PLS3: variants seen among roughly 807,000 people sequenced by gnomAD.
PLS3 encodes plastin-3.
A neutral mutation model predicts 46.5 loss-of-function variants in PLS3; 11 were observed. That is an observed-to-expected ratio of 0.24 (90% CI 0.15 to 0.39). The LOEUF is 0.39. PLS3 is among the 10% of genes least tolerant of loss of function. PLS3 has a pLI of 1.00. For synonymous variants in PLS3, 167 were observed against 162.2 expected, an observed-to-expected ratio of 1.03 and a Z score of -0.22; for missense variants, 308 against 461.8, an observed-to-expected ratio of 0.67 and a Z score of 3.05.
chrX:115,564,210 A>G (rs1413227088), intron 1 of PLS3, among the ~76,000 whole-genome samples: 10 of 111,894 alleles, frequency 8.9e-5, no homozygotes, highest in Admixed American at 4.8e-4. Context: ...GTGGGGAGCT[A>G]TTAATAAATA....
chrX:115,608,966 G>A (rs2074521074), intron 1 of PLS3, among the ~76,000 whole-genome samples: 1 of 109,912 alleles, frequency 9.1e-6, no homozygotes, highest in Admixed American at 9.8e-5. Flanking sequence ...CGGGTACGGT[G>A]GCTCACACCT....
chrX:115,627,447 A>G (rs1234103280), intron 3 of PLS3, among the ~76,000 whole-genome samples: 1 of 112,151 alleles, frequency 8.9e-6, no homozygotes, highest in Non-Finnish European at 1.9e-5. Context: ...TTATTAGACA[A>G]TGAAGTAGAG....
intron 1 of PLS3, among the ~76,000 whole-genome samples, chrX:115,608,489 C>A (rs2074516113): frequency 9.0e-6 from 1 of 111,695 alleles, no homozygotes; most frequent in Non-Finnish European, 1.9e-5. Flanking sequence ...TAAGAGTGAA[C>A]CCTAATGTTC....
intron 1 of PLS3, among the ~76,000 whole-genome samples, chrX:115,576,057 T>C (rs2074246685): frequency 1.8e-5 from 2 of 112,122 alleles, no homozygotes; most frequent in Non-Finnish European, 3.8e-5. Flanking sequence ...ATATTTACTT[T>C]TAAATGTACT....
At chrX:115,649,343 A>G in intron 15 of PLS3, 86 bp from the exon 16 acceptor site, 1 of 757,532 alleles carries the variant, frequency 1.3e-6, no homozygotes, top group East Asian at 3.3e-5. Flanking sequence ...TCCCAGCATA[A>G]TAATTATATA....
intron 1 of PLS3, among the ~76,000 whole-genome samples, chrX:115,591,302 A>G (rs2074343881): frequency 8.9e-6 from 1 of 112,109 alleles, no homozygotes; most frequent in Non-Finnish European, 1.9e-5. Flanking sequence ...AGAATTAGTA[A>G]CTCGGTGTTG....
At chrX:115,590,183 C>T (rs1296314046) in intron 1 of PLS3, among the ~76,000 whole-genome samples, 1 of 111,686 alleles carries the variant, frequency 9.0e-6, no homozygotes, top group African/African-American at 3.2e-5. Flanking sequence ...TGTATGGTTT[C>T]TGTTTGTAAC....
chrX:115,640,503 T>C lies in PLS3; in HGVS notation c.987T>C (p.Asn329=). 9.4e-7 allele frequency: 1 copy of C among 1,067,032 alleles called. No homozygotes were observed. The highest frequency in any genetic ancestry group is 1.3e-6 in the Non-Finnish European group (1 of 764,363). The allele number at this position is 1,067,032 out of a possible 1,213,427, so 87.9% of individuals were successfully genotyped here. A position where few individuals can be genotyped will look rare whatever the true frequency, so the allele number is the denominator to read the frequency against. Residue 329 remains asparagine (N), a splice_region_variant and synonymous_variant, in exon 9 of 16, where the codon AAT becomes AAC. Coordinates refer to ENST00000355899, the MANE Select transcript of PLS3 (RefSeq NM_005032.7). The part of the protein sequence containing the change: ...PRIDINMSGF[N]ETDDLKRAES... ...TAGATATTAACATGTCAGGTTTCAA[T>C]GTAAGTATAAGTGCTCTTTTGAATT...
intron 8 of PLS3, 34 bp downstream of exon 8, chrX:115,637,012 G>T: frequency 8.6e-7 from 1 of 1,161,154 alleles, no homozygotes; most frequent in Non-Finnish European, 1.2e-6. Flanking sequence ...ATTTTGGGGG[G>T]ATATAATAGC....
At chrX:115,589,977 G>T (rs2147440737) in intron 1 of PLS3, among the ~76,000 whole-genome samples, 1 of 111,727 alleles carries the variant, frequency 9.0e-6, no homozygotes, top group African/African-American at 3.3e-5. Flanking sequence ...TCCTGCCTCA[G>T]CCTCCCAAGT....
intron 15 of PLS3, 36 bp downstream of exon 15, chrX:115,648,053 G>C (rs782404182): frequency 9.7e-7 from 1 of 1,035,789 alleles, no homozygotes; most frequent in Non-Finnish European, 1.4e-6. Flanking sequence ...AAAGAACGCA[G>C]CTTTGTAGCT....
intron 1 of PLS3, among the ~76,000 whole-genome samples, chrX:115,593,179 T>C (rs2074357213): frequency 9.0e-6 from 1 of 111,253 alleles, no homozygotes; most frequent in Non-Finnish European, 1.9e-5. Context: ...TTCTTGACTA[T>C]GGACGAGTGA....
chrX:115,601,639 A>AT (rs1190048685), intron 1 of PLS3, among the ~76,000 whole-genome samples: 1 of 110,097 alleles, frequency 9.1e-6, no homozygotes, highest in East Asian at 2.8e-4. Context: ...TAATAAAAAA[A>AT]ATATATAAAA....
At chrX:115,647,231 A>G (rs781947672) in intron 13 of PLS3, among the ~76,000 whole-genome samples, 8 of 110,995 alleles carry the variant, frequency 7.2e-5, no homozygotes, top group Non-Finnish European at 1.1e-4. Context: ...TCAGGAGATC[A>G]AGACCATCCT....
chrX:115,590,580 G>T lies in PLS3; in HGVS notation c.-8-19663G>T, dbSNP rs782085697. On this transcript the variant is annotated intron_variant, in intron 1 of 15. Transcript: ENST00000355899. ...CACACCTGTAATCCCAGCACTTTGG[G>T]AGGCCAAGGTGGGTGGATCACCTGA... 3.6e-5 allele frequency among the ~76,000 whole-genome samples: 4 copies of T among 112,095 alleles called. No individual in the cohort carries two copies. In the Admixed American group the frequency reaches 3.8e-4, roughly 11 times the overall value.
chrX:115,593,075 A>G (rs1249379330), intron 1 of PLS3, among the ~76,000 whole-genome samples: 1 of 112,055 alleles, frequency 8.9e-6, no homozygotes, highest in Admixed American at 9.5e-5. Context: ...ACAACACCTT[A>G]GCATATGGGG....
intron 5 of PLS3, 85 bp from the exon 6 acceptor site, chrX:115,633,915 A>G: frequency 3.7e-6 from 2 of 545,187 alleles, no homozygotes; most frequent in South Asian, 5.2e-5. Context: ...AAGCTTTAAA[A>G]TATTTGTAAA....
At chrX:115,599,336 C>CAAAAAA (rs1226830291) in intron 1 of PLS3, among the ~76,000 whole-genome samples, 1 of 32,417 alleles carries the variant, frequency 3.1e-5, no homozygotes, top group Non-Finnish European at 6.3e-5. Flanking sequence ...CCTGTCTCTA[C>CAAAAAA]AAAAAAAAAA....
intron 1 of PLS3, among the ~76,000 whole-genome samples, chrX:115,563,995 G>T (rs2147405250): frequency 8.9e-6 from 1 of 112,013 alleles, no homozygotes; most frequent in East Asian, 2.8e-4. Flanking sequence ...GTGAAATCAT[G>T]TCTAAACAGA....
Sources: allele counts gnomAD v4.1 joint callset (sites outside exome capture counted in the v4.1 genomes callset), GRCh38; gene constraint gnomAD v4.1.1; transcripts MANE v1.5; gene names NCBI Gene and HGNC (gene_info 2026-07-23, HGNC 2026-07-21).